SCN10A: variants seen among roughly 807,000 people sequenced by gnomAD.
SCN10A encodes the protein sodium channel protein type 10 subunit alpha.
In SCN10A, 162 loss-of-function variants were observed where a neutral mutation model predicts 170.7. The ratio of observed to expected loss-of-function variants is 0.95; its 90% confidence interval spans 0.84 to 1.08. The LOEUF is 1.08. SCN10A is among the 50% of genes least tolerant of loss of function. The pLI is 0.00. For missense variants in SCN10A, 2,527 were observed against 2,436.9 expected, an observed-to-expected ratio of 1.04 and a Z score of -0.78; for synonymous variants, 985 against 904.6, an observed-to-expected ratio of 1.09 and a Z score of -1.59.
intron 12 of SCN10A, among the ~76,000 whole-genome samples, chr3:38,751,248 C>A (rs2063744039): frequency 6.6e-6 from 1 of 152,214 alleles, no homozygotes; most frequent in Admixed American, 6.5e-5. Context: ...CTGCTGTAGT[C>A]TAATTCTGGT....
intron 17 of SCN10A, 148 bp downstream of exon 17, chr3:38,726,458 G>T: frequency 1.6e-6 from 1 of 614,262 alleles, no homozygotes; most frequent in Non-Finnish European, 2.7e-6. Flanking sequence ...TCCAGGCCCT[G>T]CTCAAACGCC....
intron 8 of SCN10A, 63 bp downstream of exon 8, chr3:38,760,618 C>A: frequency 3.1e-6 from 4 of 1,305,366 alleles, no homozygotes; most frequent in Non-Finnish European, 4.4e-6. Context: ...CCATAATATG[C>A]CAAGGACAAG....
chr3:38,808,945 A>G (rs933951356), intron 1 of SCN10A, among the ~76,000 whole-genome samples: 1 of 152,154 alleles, frequency 6.6e-6, no homozygotes, highest in Admixed American at 6.5e-5. Context: ...CTGATGTTGG[A>G]CGTGTTTTTG....
intron 13 of SCN10A, among the ~76,000 whole-genome samples, chr3:38,743,943 G>T (rs964942954): frequency 6.6e-6 from 1 of 152,052 alleles, no homozygotes; most frequent in Non-Finnish European, 1.5e-5. Flanking sequence ...TGTTCACCTC[G>T]ATGGAGGGCA....
intron 5 of SCN10A, among the ~76,000 whole-genome samples, chr3:38,767,043 A>AT (rs34804756): frequency 0.2 from 30,178 of 148,950 alleles, 3,587 homozygotes; most frequent in East Asian, 0.4. Flanking sequence ...GCCTTGAATG[A>AT]TTTTTTTTTT....
At chr3:38,729,223 TTCTGTGGA>T (rs2063490052) in intron 15 of SCN10A, among the ~76,000 whole-genome samples, 1 of 152,164 alleles carries the variant, frequency 6.6e-6, no homozygotes, top group Admixed American at 6.5e-5. Flanking sequence ...TATGGGCCTC[TTCTGTGGA>T]GGTGGGGTGG....
At chr3:38,815,033 T>C (rs2064463228) in intron 1 of SCN10A, among the ~76,000 whole-genome samples, 1 of 152,204 alleles carries the variant, frequency 6.6e-6, no homozygotes, top group Non-Finnish European at 1.5e-5. Flanking sequence ...CTGGCACAAA[T>C]CTAATCAGGT....
intron 16 of SCN10A, 146 bp downstream of exon 16, chr3:38,728,396 C>T: frequency 1.2e-6 from 1 of 809,468 alleles, no homozygotes; most frequent in Non-Finnish European, 1.8e-6. Flanking sequence ...TGTAATGAAT[C>T]CCACATGAAT....
In SCN10A at chr3:38,708,532, C is replaced by T. The variant is rs529249887; in HGVS notation, c.4281+946G>A. On this transcript the variant is annotated intron_variant, in intron 25 of 27. Transcript: ENST00000449082. Reference sequence around the variant, plus strand: ...GGATTTCCTGTAAGTGGAATGCCTGCCCTAGTAGGTATATATTTTAAATTG... The same window carrying T: ...GGATTTCCTGTAAGTGGAATGCCTGTCCTAGTAGGTATATATTTTAAATTG... Among the ~76,000 whole-genome samples, 6 of 152,254 alleles carry T rather than the reference C, an allele frequency of 3.9e-5. No homozygotes were observed. In the South Asian group the frequency reaches 1.2e-3, roughly 32 times the overall value.
chr3:38,742,611 T>C (rs1253772922), intron 13 of SCN10A, 82 bp from the exon 14 acceptor site: 3 of 995,458 alleles, frequency 3.0e-6, no homozygotes, highest in Non-Finnish European at 4.8e-6. Flanking sequence ...CTAGACCTTG[T>C]TGTTAATAAT....
intron 26 of SCN10A, among the ~76,000 whole-genome samples, chr3:38,703,195 C>T (rs567279252): frequency 4.6e-5 from 7 of 152,240 alleles, no homozygotes; most frequent in Non-Finnish European, 5.9e-5. Flanking sequence ...TCATTACTGC[C>T]GCTTGCCAAA....
chr3:38,766,495 T>C (rs1258932678), intron 5 of SCN10A, among the ~76,000 whole-genome samples: 2 of 152,200 alleles, frequency 1.3e-5, no homozygotes, highest in Admixed American at 6.5e-5. Context: ...GAGATGATCA[T>C]ATGATTTTTG....
intron 4 of SCN10A, among the ~76,000 whole-genome samples, chr3:38,785,769 CTT>C (rs201126911): frequency 0.013 from 1,935 of 152,012 alleles, 32 homozygotes; most frequent in African/African-American, 0.041. Context: ...CTACAAAAAA[CTT>C]AAACAAATTT....
chr3:38,698,668 G>A, intron 27 of SCN10A, 106 bp from the exon 28 acceptor site: 2 of 1,085,338 alleles, frequency 1.8e-6, no homozygotes, highest in Non-Finnish European at 2.7e-6. Context: ...TGCCACTTGG[G>A]CATCCACATT....
In SCN10A at chr3:38,749,426, C is replaced by A. The variant is rs150404802; in HGVS notation, c.1867+647G>T. On this transcript the variant is annotated intron_variant, in intron 13 of 27. Coordinates refer to ENST00000449082, the MANE Select transcript of SCN10A (RefSeq NM_006514.4). ...TCAAGGTTAGAGGGATGCAATCACG[C>A]TCTATGGCAAAGTGTGTGGATAGGT... 6.4e-3 allele frequency among the ~76,000 whole-genome samples: 971 copies of A among 152,324 alleles called. 8 individuals carry two copies. The highest frequency in any genetic ancestry group is 0.012 in the Non-Finnish European group (823 of 68,028).
chr3:38,719,645 A>G (rs1049353477), intron 20 of SCN10A, among the ~76,000 whole-genome samples: 27 of 151,826 alleles, frequency 1.8e-4, no homozygotes, highest in African/African-American at 5.3e-4. Context: ...CGCCCGCCTC[A>G]GCCTCCCAAA....
At chr3:38,721,295 G>A (rs556968079) in intron 20 of SCN10A, among the ~76,000 whole-genome samples, 2 of 152,022 alleles carry the variant, frequency 1.3e-5, no homozygotes, top group East Asian at 1.9e-4. Flanking sequence ...GGAAGAGCGG[G>A]ACTGTAGTCC....
At chr3:38,739,025 G>T (rs1339620312) in intron 15 of SCN10A, among the ~76,000 whole-genome samples, 1 of 152,148 alleles carries the variant, frequency 6.6e-6, no homozygotes, top group Non-Finnish European at 1.5e-5. Flanking sequence ...TGAGATCCAG[G>T]TCTGTGGCTT....
intron 1 of SCN10A, among the ~76,000 whole-genome samples, chr3:38,808,782 T>C (rs1350218477): frequency 6.6e-6 from 1 of 152,178 alleles, no homozygotes; most frequent in East Asian, 1.9e-4. Context: ...TGCTGAAATA[T>C]CAAGGCAAGA....
Sources: allele counts gnomAD v4.1 joint callset (sites outside exome capture counted in the v4.1 genomes callset), GRCh38; gene constraint gnomAD v4.1.1; transcripts MANE v1.5; gene names NCBI Gene and HGNC (gene_info 2026-07-23, HGNC 2026-07-21).